The following DICER1 variants were observed in gnomAD, a reference collection of about 807,000 sequenced individuals.
DICER1 encodes the protein dicer 1, ribonuclease III.
Under a neutral mutation model 194.1 loss-of-function variants are expected in DICER1, and 43 were observed. That is an observed-to-expected ratio of 0.22 (90% CI 0.17 to 0.29). The LOEUF (loss-of-function observed/expected upper bound fraction) is 0.29. Among genes scored for constraint, DICER1 ranks in the 10% least tolerant of loss-of-function variants. The pLI, the probability that DICER1 is intolerant of heterozygous loss-of-function variation, is 1.00. For missense variants in DICER1, 1,608 were observed against 2,317.0 expected (o/e 0.69, Z 6.28); for synonymous variants, 832 against 820.5 (o/e 1.01, Z -0.24).
rs1416745951 is a variant in DICER1, at chr14:95,089,954, C to T, written c.*544G>A. On this transcript the variant is annotated 3_prime_UTR_variant, in exon 27 of 27. Transcript: ENST00000343455. ...CCTTACTATCAGGTGCAACAGCGACCGGGAACATCACCTTACACAGTATAA... is the reference window on the plus strand; with the variant it reads ...CCTTACTATCAGGTGCAACAGCGACTGGGAACATCACCTTACACAGTATAA... 3 of 234,690 alleles carry T rather than the reference C, an allele frequency of 1.3e-5. No individual in the cohort carries two copies. Among genetic ancestry groups the T allele is most frequent in the East Asian group, 6.1e-5 (1 of 16,494 alleles). 14.5% of individuals were successfully genotyped at this position (234,690 alleles called of 1,614,324 possible).
In DICER1 at chr14:95,105,899, T is replaced by C; in HGVS notation, c.2988-116A>G. 7.2e-7 allele frequency: 1 copy of C among 1,397,112 alleles called. No homozygotes were observed. Among genetic ancestry groups the C allele is most frequent in the Non-Finnish European group, 1.0e-6 (1 of 983,680 alleles). 86.5% of individuals were successfully genotyped at this position (1,397,112 alleles called of 1,614,324 possible). ...CAACTACAGCCTCTTGGGCTACCCC[T>C]TGGGCAAGTTTGTGTGCAAAGCATC... On this transcript the variant is annotated intron_variant, in intron 18 of 26. Transcript: ENST00000343455. The surrounding 1 kb of genome is among the most constrained non-coding windows in gnomAD (Gnocchi z 4.9).
intron 7 of DICER1, among the ~76,000 whole-genome samples, chr14:95,126,054 T>C (rs748026913): frequency 2.7e-5 from 4 of 148,314 alleles, no homozygotes; most frequent in Admixed American, 6.7e-5. Context: ...ATCAGATTAC[T>C]GGAGGGCTTA....
At chr14:95,140,173 TCAAA>T (rs1894737457) in intron 1 of DICER1, among the ~76,000 whole-genome samples, 1 of 152,184 alleles carries the variant, frequency 6.6e-6, no homozygotes, top group African/African-American at 2.4e-5. Flanking sequence ...AAATTTCTGG[TCAAA>T]CAACTTACCC....
chr14:95,109,426 G>A (rs1458428357), intron 14 of DICER1, among the ~76,000 whole-genome samples: 3 of 152,118 alleles, frequency 2.0e-5, no homozygotes, highest in African/African-American at 7.2e-5. Context: ...TAGAGACAAG[G>A]TCTCACTATG....
intron 11 of DICER1, among the ~76,000 whole-genome samples, chr14:95,114,751 A>G (rs1225057710): frequency 6.6e-6 from 1 of 152,190 alleles, no homozygotes; most frequent in Non-Finnish European, 1.5e-5. Context: ...ACAAATCAAC[A>G]TGGTGTGCGA....
chr14:95,114,248 C>T (rs374701784), intron 11 of DICER1, among the ~76,000 whole-genome samples: 4 of 152,182 alleles, frequency 2.6e-5, no homozygotes, highest in African/African-American at 9.6e-5. Context: ...GAATGTCTTG[C>T]GCCATAAAAC....
chr14:95,092,102 C>T (rs1432401854), intron 24 of DICER1, among the ~76,000 whole-genome samples: 3 of 152,134 alleles, frequency 2.0e-5, no homozygotes, highest in Non-Finnish European at 2.9e-5. Flanking sequence ...CTTAATTACT[C>T]GGCCATAAAG....
At chr14:95,134,286 A>G (rs1595471018) in intron 1 of DICER1, 1 of 151,848 alleles carries the variant, frequency 6.6e-6, no homozygotes, top group South Asian at 2.1e-4. Flanking sequence ...AGCACTTTCT[A>G]TATTTCATAT....
At chr14:95,113,868 C>T (rs912838591) in intron 11 of DICER1, among the ~76,000 whole-genome samples, 2 of 152,210 alleles carry the variant, frequency 1.3e-5, no homozygotes, top group African/African-American at 2.4e-5. Context: ...GGGCACCTGA[C>T]CACAGTTGCA....
chr14:95,087,843 A>G lies in DICER1; in HGVS notation c.*2655T>C. 4.3e-6 allele frequency: 1 copy of G among 233,108 alleles called. No homozygotes were observed. Among genetic ancestry groups the G allele is most frequent in the East Asian group, 6.0e-5 (1 of 16,592 alleles). The allele number at this position is 233,108 out of a possible 1,614,324, so 14.4% of individuals were successfully genotyped here. A position where few individuals can be genotyped will look rare whatever the true frequency, so the allele number is the denominator to read the frequency against. ...ACCACACCCCACTGGTAGGTTTTCC[A>G]TATTACATTCGGTCTCACATTGCAA... On this transcript the variant is annotated 3_prime_UTR_variant, in exon 27 of 27. Transcript: ENST00000343455.
intron 14 of DICER1, among the ~76,000 whole-genome samples, chr14:95,110,011 CACTT>C (rs1891812955): frequency 6.6e-6 from 1 of 152,146 alleles, no homozygotes; most frequent in Admixed American, 6.5e-5. Flanking sequence ...TGTAAGTCCT[CACTT>C]AATGTCTTCG....
At chr14:95,152,154 A>C (rs1265467373) in intron 1 of DICER1, among the ~76,000 whole-genome samples, 1 of 152,250 alleles carries the variant, frequency 6.6e-6, no homozygotes, top group Non-Finnish European at 1.5e-5. Flanking sequence ...GAACAAGCAC[A>C]ACAGAGTTAG....
At chr14:95,119,770 ATGAC>A (rs1161429435) in intron 8 of DICER1, among the ~76,000 whole-genome samples, 1 of 152,220 alleles carries the variant, frequency 6.6e-6, no homozygotes, top group Non-Finnish European at 1.5e-5. Context: ...ATAAAAGTGA[ATGAC>A]TAAGAAAATG....
intron 7 of DICER1, among the ~76,000 whole-genome samples, chr14:95,125,065 G>A (rs764390018): frequency 4.9e-4 from 74 of 152,254 alleles, no homozygotes; most frequent in Non-Finnish European, 9.4e-4. Flanking sequence ...TGAACTTTAT[G>A]TACAATATTC....
chr14:95,105,316 T>A lies in DICER1; in HGVS notation c.3094-70A>T. On this transcript the variant is annotated intron_variant, in intron 19 of 26. Coordinates refer to ENST00000343455, the MANE Select transcript of DICER1 (RefSeq NM_177438.3). The surrounding 1 kb of genome is among the most constrained non-coding windows in gnomAD (Gnocchi z 4.9). ...CACAAAAGAAAAAAAAAAAGACCAATTTCACTAATGGATAAAGAAAATCAT... is the reference window on the plus strand; with the variant it reads ...CACAAAAGAAAAAAAAAAAGACCAAATTCACTAATGGATAAAGAAAATCAT... 3 of 1,317,720 alleles carry A rather than the reference T, an allele frequency of 2.3e-6. No homozygotes were observed. Among genetic ancestry groups the A allele is most frequent in the Non-Finnish European group, 3.3e-6 (3 of 917,668 alleles). The allele number at this position is 1,317,720 out of a possible 1,614,324, so 81.6% of individuals were successfully genotyped here.
intron 1 of DICER1, among the ~76,000 whole-genome samples, chr14:95,156,897 G>A (rs1255509316): frequency 6.6e-6 from 1 of 152,126 alleles, no homozygotes; most frequent in African/African-American, 2.4e-5. Flanking sequence ...CCTGTCAAGA[G>A]CCCCAGGCCT....
chr14:95,121,530 A>T (rs1036106513), intron 8 of DICER1, among the ~76,000 whole-genome samples: 2 of 152,202 alleles, frequency 1.3e-5, no homozygotes, highest in Non-Finnish European at 2.9e-5. Flanking sequence ...AAATTATTCC[A>T]AAATAAAAAG....
chr14:95,110,100 C>T (rs1240427020), intron 14 of DICER1, among the ~76,000 whole-genome samples: 3 of 152,052 alleles, frequency 2.0e-5, no homozygotes, highest in African/African-American at 7.2e-5. Flanking sequence ...GGCTAATTGA[C>T]ATAAATCAGT....
At position 95,096,124 on chromosome 14, in the gene DICER1, C is replaced by T. The variant is rs569615549; in HGVS notation, c.4796G>A (p.Arg1599Gln). ...CCGAGTAGGGCACAGGGCCTTTTCCCGATCAGTCCTTTTAATTACCGGGAG... is the reference window on the plus strand; with the variant it reads ...CCGAGTAGGGCACAGGGCCTTTTCCTGATCAGTCCTTTTAATTACCGGGAG... ...KVLPVIKRTD[R>Q]EKALCPTREN... is the part of the protein sequence containing the mutation. Residue 1599 changes from arginine (R) to glutamine (Q), a missense_variant, in exon 23 of 27, where the codon CGG (arginine) becomes CAG (glutamine). Physicochemically the swap from Arg to Gln is conservative, Grantham distance 43. Transcript: ENST00000343455. 89 of 1,614,168 alleles carry T rather than the reference C, an allele frequency of 5.5e-5. No homozygotes were observed. In the South Asian group the frequency reaches 8.8e-4, roughly 16 times the overall value.
Sources: gnomAD v4.1 joint callset for allele counts (sites outside exome capture counted in the v4.1 genomes callset) on GRCh38, gnomAD v4.1.1 for gene constraint, Gnocchi (gnomAD v3.1) non-coding constraint, MANE v1.5 for transcripts, NCBI Gene and HGNC (gene_info 2026-07-23, HGNC 2026-07-21) for gene names.